The following MUC4 variants were observed in gnomAD, a reference collection of about 807,000 sequenced individuals.
MUC4 encodes the protein mucin-4.
In MUC4, 202 loss-of-function variants were observed where a neutral mutation model predicts 257.9. The observed-to-expected ratio is 0.78, with a 90% confidence interval of 0.70 to 0.88. The LOEUF (loss-of-function observed/expected upper bound fraction) is 0.88, where lower values mean the gene tolerates loss of function less well. MUC4 is among the 40% of genes least tolerant of loss of function. MUC4 has a pLI of 0.00. For missense variants in MUC4, 5,976 were observed against 6,513.7 expected, an observed-to-expected ratio of 0.92 and a Z score of 2.84; for synonymous variants, 2,351 against 2,757.1, an observed-to-expected ratio of 0.85 and a Z score of 4.62.
intron 16 of MUC4, among the ~76,000 whole-genome samples, chr3:195,759,475 C>T (rs1040926255): frequency 1.3e-5 from 2 of 151,988 alleles, no homozygotes; most frequent in East Asian, 3.9e-4. Flanking sequence ...TCTTTCTCTC[C>T]CCCCACCTCC....
chr3:195,789,503 T>C lies in MUC4; in HGVS notation c.2077A>G (p.Thr693Ala). 2 of 1,613,856 alleles carry C rather than the reference T, an allele frequency of 1.2e-6. No homozygotes were observed. Among genetic ancestry groups the C allele is most frequent in the Non-Finnish European group, 1.7e-6 (2 of 1,179,836 alleles). Reference sequence around the variant, plus strand: ...CCGGTGGGAGCTGGGGCAAAGGTTGTTGCTGCACTTATGGTGGGTGCGTCC... The same window carrying C: ...CCGGTGGGAGCTGGGGCAAAGGTTGCTGCTGCACTTATGGTGGGTGCGTCC... ...PQDAPTISAA[T>A]TFAPAPTGDG... Residue 693 changes from threonine to alanine, a missense_variant, in exon 2 of 25, where the codon ACA (threonine) becomes GCA (alanine). This residue lies in a region of MUC4 where 1,583 missense variants were observed against 1,257.4 expected (regional missense o/e 1.26). Coordinates refer to ENST00000463781, the MANE Select transcript of MUC4 (RefSeq NM_018406.7).
At position 195,781,775 on chromosome 3, in the gene MUC4, C is replaced by G. The variant is rs1425308410; in HGVS notation, c.9805G>C (p.Asp3269His). The change falls in exon 2 of 25, where the codon GAC becomes CAC. Residue 3269 changes from aspartate to histidine, a missense_variant. Asp to His is a moderately conservative substitution (Grantham distance 81, BLOSUM62 -1). Transcript: ENST00000463781. ...TGDTTSLPVT[D>H]TSSAYTGDTT... ...TCACCTGTGTATGCTGAGGAAGTGT[C>G]GGTGACAGGAAGAGAGGTGGTGTCA... is the stretch of plus-strand genomic sequence containing the variant. 9.6e-6 allele frequency: 14 copies of G among 1,460,928 alleles called. No individual in the cohort carries two copies. Among genetic ancestry groups the G allele is most frequent in the Non-Finnish European group, 1.2e-5 (13 of 1,097,456 alleles). The allele number at this position is 1,460,928 out of a possible 1,614,324, so 90.5% of individuals were successfully genotyped here.
Position 195,790,047 on chromosome 3 carries a change from A to T in MUC4, c.1533T>A (p.Gly511=). 6.2e-7 allele frequency: 1 copy of T among 1,613,976 alleles called. No individual in the cohort carries two copies. Among genetic ancestry groups the T allele is most frequent in the Non-Finnish European group, 8.5e-7 (1 of 1,179,888 alleles). The stretch of plus-strand genomic sequence containing the variant: ...TTCCTGTGACAAGCCTAGTGGCAGC[A>T]CCTGTTGATGTTGAGGGCAGTTCTG... ...SQTELPSTST[G]AATRLVTGNP... Residue 511 remains glycine, a synonymous_variant, in exon 2 of 25, where the codon GGT becomes GGA. Transcript: ENST00000463781.
chr3:195,811,480 TTC>T, intron 1 of MUC4, among the ~76,000 whole-genome samples: 1 of 152,136 alleles, frequency 6.6e-6, no homozygotes, highest in East Asian at 1.9e-4. Context: ...GCCTCCACTC[TTC>T]TTTCTCTCTC....
At chr3:195,794,670 A>G (rs992298433) in intron 1 of MUC4, among the ~76,000 whole-genome samples, 1 of 152,104 alleles carries the variant, frequency 6.6e-6, no homozygotes, top group Non-Finnish European at 1.5e-5. Flanking sequence ...CCTTTTTTTC[A>G]ACCTCAGTGC....
In MUC4 at chr3:195,769,150, G is replaced by A. The variant is rs540993686; in HGVS notation, c.13401C>T (p.Ser4467=). Residue 4467 remains serine (S), a splice_region_variant and synonymous_variant, in exon 7 of 25, where the codon AGC becomes AGT. Coordinates refer to ENST00000463781, the MANE Select transcript of MUC4 (RefSeq NM_018406.7). ...TGGAGAGGATGGCTTGGTAGGTGTTGCTCTGGGGGTGGGTGGAAGAAAACA... is the reference window on the plus strand; with the variant it reads ...TGGAGAGGATGGCTTGGTAGGTGTTACTCTGGGGGTGGGTGGAAGAAAACA... The part of the protein sequence containing the change: ...HAYPAQWTLG[S]NTYQAILSTD... 1 of 1,613,918 alleles carries A rather than the reference G, an allele frequency of 6.2e-7. No homozygotes were observed. The highest frequency in any genetic ancestry group is 8.5e-7 in the Non-Finnish European group (1 of 1,179,980).
At chr3:195,773,085 C>T (rs574682125) in intron 4 of MUC4, among the ~76,000 whole-genome samples, 7 of 107,418 alleles carry the variant, frequency 6.5e-5, no homozygotes, top group South Asian at 3.1e-4. Context: ...CTCTATCGTT[C>T]GGGGTGTAGA....
chr3:195,760,548 C>T (rs1269498326), intron 16 of MUC4, among the ~76,000 whole-genome samples: 7 of 114,482 alleles, frequency 6.1e-5, no homozygotes, highest in Non-Finnish European at 1.3e-4. Flanking sequence ...GGGAAGGGGT[C>T]CAGCGCTAGG....
intron 1 of MUC4, chr3:195,809,988 G>A (rs1007743686): frequency 2.0e-5 from 3 of 152,590 alleles, no homozygotes; most frequent in African/African-American, 7.2e-5. Context: ...CCTCGCTCTG[G>A]GAGTCATGAT....
chr3:195,801,575 G>A (rs553239720), intron 1 of MUC4, among the ~76,000 whole-genome samples: 4 of 152,088 alleles, frequency 2.6e-5, no homozygotes, highest in East Asian at 1.9e-4. Context: ...TCTGTCATCC[G>A]TCTGTGTCCT....
rs1184717603 is a variant in MUC4, at chr3:195,774,380, C to T, written c.12944-75G>A. 26 of 1,459,212 alleles carry T rather than the reference C, an allele frequency of 1.8e-5. No homozygotes were observed. In the East Asian group the frequency reaches 3.4e-4, roughly 19 times the overall value. The allele number at this position is 1,459,212 out of a possible 1,614,324, so 90.4% of individuals were successfully genotyped here. A position where few individuals can be genotyped will look rare whatever the true frequency, so the allele number is the denominator to read the frequency against. On this transcript the variant is annotated intron_variant, in intron 3 of 24. Coordinates refer to ENST00000463781, the MANE Select transcript of MUC4 (RefSeq NM_018406.7). Reference sequence around the variant, plus strand: ...TTTAGGGCTGAAAGGGATCCCAGAGCGCTCCCTGCAGGCTGCCCACACCTG... The same window carrying T: ...TTTAGGGCTGAAAGGGATCCCAGAGTGCTCCCTGCAGGCTGCCCACACCTG...
In MUC4 at chr3:195,747,380, G is replaced by C; in HGVS notation, c.16035C>G (p.Ser5345Arg). 6.2e-7 allele frequency: 1 copy of C among 1,613,344 alleles called. No individual in the cohort carries two copies. Among genetic ancestry groups the C allele is most frequent in the East Asian group, 2.2e-5 (1 of 44,840 alleles). ...CQHLPSGPRC[S>R]CVSFSIYTAW... is the part of the protein sequence containing the mutation. ...CCGTGTAGATGGAGAAGGACACACAGCTGGTGACCAAGAGAGACAGACAGG... is the reference window on the plus strand; with the variant it reads ...CCGTGTAGATGGAGAAGGACACACACCTGGTGACCAAGAGAGACAGACAGG... The change falls in exon 25 of 25, where the codon AGC becomes AGG. Residue 5345 changes from serine (S) to arginine (R), a missense_variant and splice_region_variant. Around this residue, in one of 44 missense-constraint regions of MUC4, gnomAD observed 310 missense variants for 242.1 expected, o/e 1.28. Coordinates refer to ENST00000463781, the MANE Select transcript of MUC4 (RefSeq NM_018406.7).
Position 195,786,344 on chromosome 3 carries a change from G to C in MUC4, c.5236C>G (p.Leu1746Val), listed in dbSNP as rs188798902. The C allele has an allele frequency of 0.017, 25,149 of 1,521,672 alleles. 1,459 individuals carry two copies. The highest frequency in any genetic ancestry group is 0.019 in the Non-Finnish European group (21,748 of 1,126,304). The allele number at this position is 1,521,672 out of a possible 1,614,324, so 94.3% of individuals were successfully genotyped here. Residue 1746 changes from leucine to valine, a missense_variant, in exon 2 of 25, where the codon CTT becomes GTT. Transcript: ENST00000463781. ...GATGCTGAGGAAGCGTCAGTGACAA[G>C]AAGAGGGCTGGCGTGACCTGTGGAT... is the stretch of plus-strand genomic sequence containing the variant. Reference protein sequence around the residue: ...SASTGHASPLLVTDASSASTG... With the variant: ...SASTGHASPLVVTDASSASTG...
chr3:195,777,704 C>T (rs1268447950), intron 3 of MUC4, among the ~76,000 whole-genome samples: 2 of 17,030 alleles, frequency 1.2e-4, no homozygotes, highest in African/African-American at 2.8e-4. Flanking sequence ...ACCTTCCACA[C>T]CCATACCTTC....
At chr3:195,795,954 T>C (rs1046943188) in intron 1 of MUC4, among the ~76,000 whole-genome samples, 4 of 151,882 alleles carry the variant, frequency 2.6e-5, no homozygotes, top group African/African-American at 4.8e-5. Context: ...GAGACAGTGC[T>C]CTGATGAATT....
At chr3:195,747,635 C>G (rs1300958696) in intron 24 of MUC4, among the ~76,000 whole-genome samples, 4 of 152,262 alleles carry the variant, frequency 2.6e-5, no homozygotes, top group Non-Finnish European at 5.9e-5. Flanking sequence ...GAGGCTGAGG[C>G]GGGCGCATCA....
Position 195,757,128 on chromosome 3 carries a change from C to T in MUC4, c.15168+19G>A, listed in dbSNP as rs759954038. ...CTCCCCTCGGCACAGAAACTCCTCC[C>T]CCACCTCCCAACACTCACCTCCAGG... On this transcript the variant is annotated intron_variant, in intron 18 of 24. Transcript: ENST00000463781. This position sits in a 1 kb window ranked among gnomAD's most constrained non-coding sequence, Gnocchi z 4.8. The T allele has an allele frequency of 6.3e-7, 1 of 1,580,184 alleles. No homozygotes were observed. The highest frequency in any genetic ancestry group is 8.7e-7 in the Non-Finnish European group (1 of 1,154,692).
chr3:195,802,025 A>T (rs758917819), intron 1 of MUC4, among the ~76,000 whole-genome samples: 1 of 150,932 alleles, frequency 6.6e-6, no homozygotes, highest in Non-Finnish European at 1.5e-5. Context: ...CCCTGCGTCT[A>T]CTCTCACGCC....
intron 7 of MUC4, 63 bp from the exon 8 acceptor site, chr3:195,766,814 G>A: frequency 6.7e-6 from 10 of 1,482,666 alleles, no homozygotes; most frequent in Non-Finnish European, 9.4e-6. Context: ...GCGGTTGCAA[G>A]GCGTCCATTC....
Sources: gnomAD v4.1 joint callset for allele counts (sites outside exome capture counted in the v4.1 genomes callset) on GRCh38, gnomAD v4.1.1 for gene constraint, gnomAD v4.1.1 regional missense constraint, Gnocchi (gnomAD v3.1) non-coding constraint, MANE v1.5 for transcripts, NCBI Gene and HGNC (gene_info 2026-07-23, HGNC 2026-07-21) for gene names.